RGS6: variants seen among roughly 807,000 people sequenced by gnomAD.
RGS6 encodes regulator of G-protein signaling 6.
Under a neutral mutation model 78.5 loss-of-function variants are expected in RGS6, and 30 were observed. That is an observed-to-expected ratio of 0.38 (90% CI 0.29 to 0.52). The LOEUF (loss-of-function observed/expected upper bound fraction) is 0.52, where lower values mean the gene tolerates loss of function less well. RGS6 is among the 20% of genes least tolerant of loss of function. RGS6 has a pLI of 0.85. For synonymous variants in RGS6, 206 were observed against 206.0 expected (o/e 1.00, Z 0.00); for missense variants, 495 against 609.7 (o/e 0.81, Z 1.98).
intron 2 of RGS6, among the ~76,000 whole-genome samples, chr14:72,252,191 T>C (rs2153837597): frequency 6.6e-6 from 1 of 152,356 alleles, no homozygotes; most frequent in East Asian, 1.9e-4. Flanking sequence ...ACATGTAATA[T>C]GATTCACTCA....
chr14:72,397,937 G>C (rs952479305), intron 3 of RGS6, among the ~76,000 whole-genome samples: 1 of 152,130 alleles, frequency 6.6e-6, no homozygotes, highest in African/African-American at 2.4e-5. Flanking sequence ...TTGATGTGCT[G>C]CTGGATTCGG....
chr14:72,578,883 G>C, the RGS6 span, among the ~76,000 whole-genome samples: 2 of 152,176 alleles, frequency 1.3e-5, no homozygotes, highest in Non-Finnish European at 2.9e-5. Flanking sequence ...AAATGGCTTG[G>C]GCGAAGCTGT....
chr14:71,937,470 A>G (rs2089670542), intron 1 of RGS6, among the ~76,000 whole-genome samples: 1 of 152,330 alleles, frequency 6.6e-6, no homozygotes, highest in South Asian at 2.1e-4. Flanking sequence ...TTCAGAGCAT[A>G]CACGGCCCTC....
chr14:71,942,639 C>G (rs1246826837), intron 1 of RGS6, among the ~76,000 whole-genome samples: 1 of 152,174 alleles, frequency 6.6e-6, no homozygotes, highest in East Asian at 1.9e-4. Flanking sequence ...TTACCACTTC[C>G]CTCTGGTGAC....
At chr14:72,576,530 C>A in the RGS6 span, among the ~76,000 whole-genome samples, 2 of 152,192 alleles carry the variant, frequency 1.3e-5, no homozygotes, top group Non-Finnish European at 2.9e-5. Flanking sequence ...GAAACATAAA[C>A]CCTTTTCTCT....
rs563880339 is a variant in RGS6 at position 71,932,644 on chromosome 14, G to A, written c.-318G>A. On this transcript the variant is annotated 5_prime_UTR_variant, in exon 1 of 18. Coordinates refer to ENST00000553525, the MANE Select transcript of RGS6 (RefSeq NM_001204424.2). ...CCAGGCCAGCCCGGAGCGCGCCGGG[G>A]ACACCCTGTGCGCCCCGAGTCCCGG... 6.6e-6 allele frequency: 1 copy of A among 152,332 alleles called. No individual in the cohort carries two copies. The highest frequency in any genetic ancestry group is 2.4e-5 in the African/African-American group (1 of 41,576). 9.4% of individuals were successfully genotyped at this position (152,332 alleles called of 1,614,324 possible).
chr14:72,176,214 G>A (rs1395657126), intron 2 of RGS6, among the ~76,000 whole-genome samples: 1 of 152,222 alleles, frequency 6.6e-6, no homozygotes, highest in Non-Finnish European at 1.5e-5. Context: ...TGAGGGAGAG[G>A]GGAAAAGCCT....
At chr14:71,896,050 G>T in the RGS6 span, among the ~76,000 whole-genome samples, 1 of 152,096 alleles carries the variant, frequency 6.6e-6, no homozygotes, top group African/African-American at 2.4e-5. Flanking sequence ...TCCCAGTGGG[G>T]TGGAGAAGGG....
intron 2 of RGS6, among the ~76,000 whole-genome samples, chr14:72,318,788 A>C (rs971276626): frequency 5.9e-5 from 9 of 152,252 alleles, no homozygotes; most frequent in African/African-American, 2.2e-4. Context: ...ACCTCCCTGG[A>C]CCCTACCTGC....
the RGS6 span, among the ~76,000 whole-genome samples, chr14:71,887,217 A>G: frequency 6.6e-6 from 1 of 152,238 alleles, no homozygotes; most frequent in Admixed American, 6.5e-5. Context: ...TTATCTTTGT[A>G]AGCTGAGGAT....
At chr14:72,528,053 G>A (rs1014665739) in intron 15 of RGS6, among the ~76,000 whole-genome samples, 5 of 152,220 alleles carry the variant, frequency 3.3e-5, no homozygotes, top group Non-Finnish European at 7.3e-5. Context: ...CACAGCACAG[G>A]GGAGGACATA....
At chr14:71,923,856 C>T in the RGS6 span, among the ~76,000 whole-genome samples, 1 of 151,994 alleles carries the variant, frequency 6.6e-6, no homozygotes, top group African/African-American at 2.4e-5. Flanking sequence ...AAATGTTCTA[C>T]GGATTAAAGA....
chr14:72,057,084 C>T (rs969982036), intron 2 of RGS6, among the ~76,000 whole-genome samples: 3 of 151,994 alleles, frequency 2.0e-5, no homozygotes, highest in Admixed American at 2.0e-4. Context: ...AAGGCCGAGG[C>T]AGGCGGATCA....
At chr14:72,599,575 A>ATTTTTTTTTT in the RGS6 span, among the ~76,000 whole-genome samples, 59 of 103,226 alleles carry the variant, frequency 5.7e-4, no homozygotes, top group Admixed American at 7.4e-4. Context: ...CGCCTGGCTA[A>ATTTTTTTTTT]TTTTTTTTTT....
At chr14:72,300,370 A>G (rs1402442901) in intron 2 of RGS6, among the ~76,000 whole-genome samples, 3 of 152,198 alleles carry the variant, frequency 2.0e-5, no homozygotes, top group Non-Finnish European at 2.9e-5. Context: ...AAAGTTAGGT[A>G]GACTCCACTG....
chr14:72,542,354 C>T (rs2097338238), intron 17 of RGS6, among the ~76,000 whole-genome samples: 2 of 152,218 alleles, frequency 1.3e-5, no homozygotes, highest in African/African-American at 4.8e-5. Context: ...CCAGTGGTCT[C>T]ATCAAACAGA....
chr14:72,286,521 T>A lies in RGS6; in HGVS notation c.85-65574T>A, dbSNP rs537057939. On this transcript the variant is annotated intron_variant, in intron 2 of 17. Coordinates refer to ENST00000553525, the MANE Select transcript of RGS6 (RefSeq NM_001204424.2). ...TTTTGTGGTTCCATGAGAATTTTAGTATTTTTTTTTTCTATTTCTGTAAAA... is the reference window on the plus strand; with the variant it reads ...TTTTGTGGTTCCATGAGAATTTTAGAATTTTTTTTTTCTATTTCTGTAAAA... Among the ~76,000 whole-genome samples the A allele has an allele frequency of 1.4e-4, 17 of 121,960 alleles. No homozygotes were observed. The East Asian group carries it at 4.6e-3, about 33-fold the overall frequency. 80.0% of individuals were successfully genotyped at this position (121,960 alleles called of 152,430 possible).
At chr14:72,315,870 G>C (rs2070026422) in intron 2 of RGS6, among the ~76,000 whole-genome samples, 1 of 152,200 alleles carries the variant, frequency 6.6e-6, no homozygotes, top group Non-Finnish European at 1.5e-5. Context: ...GGCAGACTCA[G>C]CAGATTGGCC....
chr14:72,458,367 A>C lies in RGS6; in HGVS notation c.332A>C (p.Tyr111Ser). Residue 111 changes from tyrosine (Y) to serine (S), a missense_variant, in exon 5 of 18, where the codon TAT (tyrosine) becomes TCT (serine). Tyr to Ser is a moderately radical substitution (Grantham distance 144). Transcript: ENST00000553525. ...ACCATGAAGGATGATGGCACCTTTT[A>C]TCGTTTCCAGGTAAGCCTGCTGGCT... is the stretch of plus-strand genomic sequence containing the variant. ...VLTMKDDGTF[Y>S]RFQAPYFWPS... 6.2e-7 allele frequency: 1 copy of C among 1,613,636 alleles called. No homozygotes were observed. Among genetic ancestry groups the C allele is most frequent in the Non-Finnish European group, 8.5e-7 (1 of 1,179,620 alleles).
Sources: allele counts gnomAD v4.1 joint callset (sites outside exome capture counted in the v4.1 genomes callset), GRCh38; gene constraint gnomAD v4.1.1; transcripts MANE v1.5; gene names NCBI Gene and HGNC (gene_info 2026-07-23, HGNC 2026-07-21).